The following IL31RA variants were observed in gnomAD, a reference collection of about 807,000 sequenced individuals.
IL31RA encodes the protein interleukin-31 receptor subunit alpha.
IL31RA carries 66 observed loss-of-function variants against 83.7 expected under a neutral mutation model. The ratio of observed to expected loss-of-function variants is 0.79; its 90% CI spans 0.65 to 0.97. The LOEUF is 0.97. Ranked by LOEUF, IL31RA falls within the 50% of genes least tolerant of loss-of-function variation. The pLI, the probability that IL31RA is intolerant of heterozygous loss-of-function variation, is 0.00. For missense variants in IL31RA, 798 were observed against 919.4 expected (o/e 0.87, Z 1.71); for synonymous variants, 325 against 329.0 (o/e 0.99, Z 0.13).
chr5:55,908,506 T>TG, intron 11 of IL31RA, 95 bp downstream of exon 11: 1 of 1,611,796 alleles, frequency 6.2e-7, no homozygotes, highest in Non-Finnish European at 8.5e-7. Context: ...CATCTCATTG[T>TG]GACTTGCAAC....
chr5:55,911,784 C>T (rs1017907550), intron 12 of IL31RA, among the ~76,000 whole-genome samples: 2 of 152,104 alleles, frequency 1.3e-5, no homozygotes, highest in Admixed American at 1.3e-4. Flanking sequence ...GAATGAACAA[C>T]GCTTTTTAGA....
At position 55,918,670 on chromosome 5, in the gene IL31RA, C is replaced by T. The variant is rs1316085521; in HGVS notation, c.*1550C>T. On this transcript the variant is annotated 3_prime_UTR_variant, in exon 15 of 15. Coordinates refer to ENST00000652347, the MANE Select transcript of IL31RA (RefSeq NM_139017.7). ...CTGGCCTCGTGTGTTTACTATGGTC[C>T]CTCCTGTCCCTGTTGGGTCACCTAC... is the stretch of plus-strand genomic sequence containing the variant. Among the ~76,000 whole-genome samples the T allele has an allele frequency of 6.6e-6, 1 of 152,058 alleles. No individual in the cohort carries two copies. Among genetic ancestry groups the T allele is most frequent in the Non-Finnish European group, 1.5e-5 (1 of 68,020 alleles).
chr5:55,863,923 A>G (rs1377015748), intron 2 of IL31RA, among the ~76,000 whole-genome samples: 2 of 132,170 alleles, frequency 1.5e-5, no homozygotes, highest in African/African-American at 6.7e-5. Flanking sequence ...GAAGAACAGG[A>G]AAGAGCAGGA....
chr5:55,854,347 T>A (rs1745230580), intron 1 of IL31RA, among the ~76,000 whole-genome samples: 1 of 152,240 alleles, frequency 6.6e-6, no homozygotes. Context: ...AGTAAGGATG[T>A]CATTATTTTA....
At chr5:55,894,221 G>T (rs1440645428) in intron 6 of IL31RA, among the ~76,000 whole-genome samples, 1 of 151,882 alleles carries the variant, frequency 6.6e-6, no homozygotes, top group Non-Finnish European at 1.5e-5. Context: ...TGGAGTAAAG[G>T]TCCCTCTAAT....
rs1350496893 is a variant in IL31RA, at chr5:55,921,615, G to A, written c.*4495G>A. On this transcript the variant is annotated 3_prime_UTR_variant, in exon 15 of 15. Coordinates refer to ENST00000652347, the MANE Select transcript of IL31RA (RefSeq NM_139017.7). ...TACAGTATCACCAGACATGTCTGAC[G>A]GATCCTTTGTCCTTTTCCACTGAGA... 1.3e-5 allele frequency among the ~76,000 whole-genome samples: 2 copies of A among 152,150 alleles called. No individual in the cohort carries two copies. Among genetic ancestry groups the A allele is most frequent in the African/African-American group, 2.4e-5 (1 of 41,416 alleles).
Position 55,916,952 on chromosome 5 carries a change from G to A in IL31RA, c.2127G>A (p.Glu709=). The part of the protein sequence containing the change: ...KSQYLRSRMP[E]GTRPEAKEQL... ...AATACCTACGTTCGAGGATGCCAGA[G>A]GGGACCCGCCCAGAAGCCAAAGAGC... Residue 709 remains glutamate, a synonymous_variant, in exon 15 of 15, where the codon GAG becomes GAA. Coordinates refer to ENST00000652347, the MANE Select transcript of IL31RA (RefSeq NM_139017.7). The A allele has an allele frequency of 6.2e-7, 1 of 1,613,914 alleles. No individual in the cohort carries two copies. The highest frequency in any genetic ancestry group is 8.5e-7 in the Non-Finnish European group (1 of 1,179,898).
Position 55,916,971 on chromosome 5 carries a change from A to G in IL31RA, c.2146A>G (p.Lys716Glu), listed in dbSNP as rs776989251. 2.5e-6 allele frequency: 4 copies of G among 1,614,020 alleles called. No individual in the cohort carries two copies. The highest frequency in any genetic ancestry group is 8.5e-7 in the Non-Finnish European group (1 of 1,179,932). ...GCCAGAGGGGACCCGCCCAGAAGCC[A>G]AAGAGCAGCTTCTCTTTTCTGGTCA... The part of the protein sequence containing the change: ...RMPEGTRPEA[K>E]EQLLFSGQSL... Residue 716 changes from lysine (K) to glutamate (E), a missense_variant, in exon 15 of 15, where the codon AAA becomes GAA. By Grantham distance (56) the Lys-to-Glu change is moderately conservative. Coordinates refer to ENST00000652347, the MANE Select transcript of IL31RA (RefSeq NM_139017.7).
At chr5:55,860,337 C>G (rs1745602497) in intron 2 of IL31RA, among the ~76,000 whole-genome samples, 1 of 149,256 alleles carries the variant, frequency 6.7e-6, no homozygotes, top group Admixed American at 6.8e-5. Context: ...CCACGGCACT[C>G]CAGCCTGGGC....
At position 55,883,065 on chromosome 5, in the gene IL31RA, T is replaced by C. The variant is rs1747346455; in HGVS notation, c.476T>C (p.Ile159Thr). ...TCAGCGAAAACTGAACCACCTAAGA[T>C]TTTCCGTGTGAAACCAGTTTTGGGC... is the stretch of plus-strand genomic sequence containing the variant. ...ENIAKTEPPK[I>T]FRVKPVLGIK... The change falls in exon 5 of 15, where the codon ATT becomes ACT. Residue 159 changes from isoleucine to threonine, a missense_variant. Ile to Thr is a moderately conservative substitution (Grantham distance 89, BLOSUM62 -1). Coordinates refer to ENST00000652347, the MANE Select transcript of IL31RA (RefSeq NM_139017.7). The C allele has an allele frequency of 6.2e-7, 1 of 1,613,976 alleles. No individual in the cohort carries two copies. The highest frequency in any genetic ancestry group is 1.3e-5 in the African/African-American group (1 of 74,920).
the IL31RA span, among the ~76,000 whole-genome samples, chr5:55,843,127 G>A: frequency 3.3e-5 from 5 of 152,154 alleles, no homozygotes; most frequent in African/African-American, 1.2e-4. Flanking sequence ...CTTAGCCATG[G>A]TCGATGCAGT....
At chr5:55,905,967 G>C in intron 8 of IL31RA, 139 bp from the exon 9 acceptor site, 1 of 821,740 alleles carries the variant, frequency 1.2e-6, no homozygotes, top group South Asian at 1.4e-5. Context: ...AGTGAAAAGA[G>C]CCCCATCCGG....
intron 4 of IL31RA, among the ~76,000 whole-genome samples, chr5:55,877,628 A>G (rs990914052): frequency 2.6e-5 from 4 of 152,206 alleles, no homozygotes; most frequent in African/African-American, 9.7e-5. Context: ...TTCTCAGTTG[A>G]CAATTTTTTT....
chr5:55,890,945 A>G (rs752254351), intron 6 of IL31RA, among the ~76,000 whole-genome samples: 9 of 152,220 alleles, frequency 5.9e-5, no homozygotes, highest in Non-Finnish European at 1.2e-4. Context: ...CTCTCAGTTC[A>G]TTCTCAGCAG....
chr5:55,863,570 C>T (rs1475490221), intron 2 of IL31RA, among the ~76,000 whole-genome samples: 1 of 152,240 alleles, frequency 6.6e-6, no homozygotes, highest in Non-Finnish European at 1.5e-5. Flanking sequence ...ATCCCATGGC[C>T]ACCCTATTGA....
At chr5:55,853,333 G>A (rs958593614) in intron 1 of IL31RA, 2 of 1,269,068 alleles carry the variant, frequency 1.6e-6, no homozygotes, top group African/African-American at 1.5e-5. Context: ...TAACAATAAT[G>A]CAATCCATTT....
At chr5:55,874,153 C>T (rs1461943688) in intron 4 of IL31RA, among the ~76,000 whole-genome samples, 2 of 151,924 alleles carry the variant, frequency 1.3e-5, no homozygotes, top group African/African-American at 4.8e-5. Flanking sequence ...GATTTCTGAC[C>T]CCATGGCCCC....
the IL31RA span, among the ~76,000 whole-genome samples, chr5:55,845,779 G>A: frequency 1.3e-5 from 2 of 152,118 alleles, no homozygotes; most frequent in African/African-American, 4.8e-5. Flanking sequence ...CCCAGTCTCG[G>A]GTGTTTCTTC....
chr5:55,853,364 GC>G (rs1446493895), intron 1 of IL31RA: 2 of 1,324,444 alleles, frequency 1.5e-6, no homozygotes, highest in Non-Finnish European at 1.9e-6. Context: ...GTGGGTAAGT[GC>G]CACTTTGACT....
Sources: allele counts gnomAD v4.1 joint callset (sites outside exome capture counted in the v4.1 genomes callset), GRCh38; gene constraint gnomAD v4.1.1; transcripts MANE v1.5; gene names NCBI Gene and HGNC (gene_info 2026-07-23, HGNC 2026-07-21).